The following PCDH11X variants were observed in gnomAD, a reference collection of about 807,000 sequenced individuals.
PCDH11X encodes protocadherin-11 X-linked.
Under a neutral mutation model 53.3 loss-of-function variants are expected in PCDH11X, and 18 were observed. The observed-to-expected ratio is 0.34, with a 90% CI of 0.23 to 0.50. The LOEUF is 0.50. PCDH11X is among the 20% of genes least tolerant of loss of function. The pLI, the probability that PCDH11X is intolerant of heterozygous loss-of-function variation, is 0.98. For missense variants in PCDH11X, 570 were observed against 1,032.4 expected (o/e 0.55, Z 6.14); for synonymous variants, 279 against 393.3 (o/e 0.71, Z 3.44).
At chrX:91,883,404 C>T (rs1231958001) in intron 6 of PCDH11X, 3 of 743,122 alleles carry the variant, frequency 4.0e-6, no homozygotes, top group Non-Finnish European at 4.7e-6. Context: ...TTTTTAAGAC[C>T]CCAAACAAAC....
intron 6 of PCDH11X, among the ~76,000 whole-genome samples, chrX:92,014,987 G>T (rs1330832639): frequency 1.8e-5 from 2 of 110,243 alleles, no homozygotes; most frequent in African/African-American, 6.6e-5. Flanking sequence ...TTTACATATG[G>T]AACAAACCTG....
chrX:92,056,819 T>A (rs2063456747), intron 6 of PCDH11X, among the ~76,000 whole-genome samples: 1 of 110,577 alleles, frequency 9.0e-6, no homozygotes, highest in African/African-American at 3.3e-5. Flanking sequence ...AAATAGCACA[T>A]ACACACACAT....
intron 8 of PCDH11X, among the ~76,000 whole-genome samples, chrX:92,359,324 G>A (rs1307661013): frequency 1.8e-5 from 2 of 109,878 alleles, no homozygotes; most frequent in Non-Finnish European, 3.8e-5. Flanking sequence ...AGAACTGACT[G>A]TAATGAAAAG....
At chrX:91,871,183 C>A (rs1939284518) in intron 5 of PCDH11X, among the ~76,000 whole-genome samples, 1 of 109,651 alleles carries the variant, frequency 9.1e-6, no homozygotes, top group South Asian at 3.9e-4. Context: ...CTTATTATAT[C>A]TGTATTGAGA....
intron 10 of PCDH11X, among the ~76,000 whole-genome samples, chrX:92,563,997 G>T (rs1166247886): frequency 1.8e-5 from 2 of 109,353 alleles, no homozygotes; most frequent in Admixed American, 9.9e-5. Context: ...ATCTGAAAAA[G>T]AAATAAAATA....
intron 9 of PCDH11X, among the ~76,000 whole-genome samples, chrX:92,408,716 G>C (rs966913648): frequency 9.1e-6 from 1 of 110,457 alleles, no homozygotes; most frequent in African/African-American, 3.3e-5. Context: ...CTCAGCAGCT[G>C]GGACTACAGG....
At chrX:92,292,424 C>G (rs890840889) in intron 8 of PCDH11X, among the ~76,000 whole-genome samples, 4 of 112,031 alleles carry the variant, frequency 3.6e-5, no homozygotes, top group Middle Eastern at 9.2e-3. Context: ...TCATGAAACG[C>G]ATTTCTAAGT....
chrX:92,183,325 TG>T (rs1465864177), intron 6 of PCDH11X, among the ~76,000 whole-genome samples: 1 of 104,177 alleles, frequency 9.6e-6, no homozygotes, highest in African/African-American at 3.5e-5. Flanking sequence ...GGCACAATCT[TG>T]GCTCACTGCA....
intron 9 of PCDH11X, among the ~76,000 whole-genome samples, chrX:92,412,909 T>G (rs1156859462): frequency 1.8e-5 from 2 of 109,179 alleles, no homozygotes; most frequent in Non-Finnish European, 3.8e-5. Flanking sequence ...TGTTAGGTGG[T>G]TCTCTGATGA....
chrX:91,822,084 T>C (rs1178653992), intron 4 of PCDH11X, among the ~76,000 whole-genome samples: 3 of 109,683 alleles, frequency 2.7e-5, no homozygotes, highest in Non-Finnish European at 5.7e-5. Flanking sequence ...GCCACTATTT[T>C]ATTGAGGATT....
intron 6 of PCDH11X, among the ~76,000 whole-genome samples, chrX:92,065,886 G>T (rs2063600581): frequency 9.0e-6 from 1 of 110,629 alleles, no homozygotes; most frequent in African/African-American, 3.3e-5. Flanking sequence ...TGTCCATTTT[G>T]CTTTGGTTGC....
intron 6 of PCDH11X, among the ~76,000 whole-genome samples, chrX:91,931,433 G>A (rs1389246132): frequency 4.5e-5 from 5 of 110,692 alleles, no homozygotes; most frequent in Admixed American, 9.7e-5. Context: ...TTAGAAGACA[G>A]CATTTTCTAA....
At chrX:92,250,624 TA>T (rs1916784273) in intron 7 of PCDH11X, among the ~76,000 whole-genome samples, 2 of 104,912 alleles carry the variant, frequency 1.9e-5, no homozygotes, top group African/African-American at 3.4e-5. Context: ...ATAATATGTA[TA>T]AAAATATATA....
chrX:92,533,288 C>G, intron 10 of PCDH11X, among the ~76,000 whole-genome samples: 1 of 110,687 alleles, frequency 9.0e-6, no homozygotes, highest in Non-Finnish European at 1.9e-5. Context: ...ACAGGTCCTG[C>G]TCTAGGAAGT....
In PCDH11X at chrX:92,526,724, T is replaced by C. The variant is rs373259185; in HGVS notation, c.3367+58402T>C. Among the ~76,000 whole-genome samples, 10 of 102,419 alleles carry C rather than the reference T, an allele frequency of 9.8e-5. No homozygotes were observed. In the East Asian group the frequency reaches 2.2e-3, roughly 22 times the overall value. The allele number at this position is 102,419 out of a possible 115,157, so 88.9% of individuals were successfully genotyped here. On this transcript the variant is annotated intron_variant, in intron 10 of 10. Coordinates refer to ENST00000682573, the MANE Select transcript of PCDH11X (RefSeq NM_032968.5). ...AACCACTATAGAGAACAGTTTGGAG[T>C]TCCCTCAAAAAAACAAAAATTGAGC... is the stretch of plus-strand genomic sequence containing the variant.
chrX:92,266,537 C>G (rs1226187752), intron 8 of PCDH11X, among the ~76,000 whole-genome samples: 5 of 111,486 alleles, frequency 4.5e-5, no homozygotes, highest in African/African-American at 1.6e-4. Context: ...AAGATAGACA[C>G]TTTTTCTACC....
intron 6 of PCDH11X, among the ~76,000 whole-genome samples, chrX:91,901,148 C>A (rs1940935633): frequency 9.0e-6 from 1 of 110,555 alleles, no homozygotes; most frequent in African/African-American, 3.3e-5. Context: ...GTCAAACTCC[C>A]AGGTTTGTTG....
In PCDH11X at chrX:92,010,458, C is replaced by A. The variant is rs761384116; in HGVS notation, c.3033+131185C>A. On this transcript the variant is annotated intron_variant, in intron 6 of 10. Transcript: ENST00000682573. ...ACTTATCATGTGCTTACAGACATAG[C>A]CAATAATATGACTTTTCTACCTAGA... Among the ~76,000 whole-genome samples, 446 of 110,326 alleles carry A rather than the reference C, an allele frequency of 4.0e-3. 1 individual carries two copies. Among genetic ancestry groups the A allele is most frequent in the African/African-American group, 0.014 (425 of 30,368 alleles).
chrX:92,381,593 G>A (rs1203533423), intron 8 of PCDH11X, among the ~76,000 whole-genome samples: 1 of 111,353 alleles, frequency 9.0e-6, no homozygotes, highest in Non-Finnish European at 1.9e-5. Flanking sequence ...TTTGATCCAA[G>A]CGTTTATGCC....
Sources: allele counts gnomAD v4.1 joint callset (sites outside exome capture counted in the v4.1 genomes callset), GRCh38; gene constraint gnomAD v4.1.1; transcripts MANE v1.5; gene names NCBI Gene and HGNC (gene_info 2026-07-23, HGNC 2026-07-21).